CEACAM16: variants seen among roughly 807,000 people sequenced by gnomAD.
CEACAM16 encodes the protein CEA cell adhesion molecule 16, tectorial membrane component.
Under a neutral mutation model 39.4 loss-of-function variants are expected in CEACAM16, and 30 were observed. The observed-to-expected ratio is 0.76, with a 90% CI of 0.57 to 1.03. The LOEUF is 1.03. CEACAM16 is among the 50% of genes least tolerant of loss of function. The pLI is 0.00. For missense variants in CEACAM16, 521 were observed against 585.3 expected, an observed-to-expected ratio of 0.89 and a Z score of 1.13; for synonymous variants, 262 against 264.9, an observed-to-expected ratio of 0.99 and a Z score of 0.11.
chr19:44,699,544 T>C (rs1974311330), intron 1 of CEACAM16: 1 of 394,302 alleles, frequency 2.5e-6, no homozygotes, highest in Non-Finnish European at 5.0e-6. Context: ...ACCCAGCTAA[T>C]TTTTGTATTT....
chr19:44,701,580 G>C lies in CEACAM16; in HGVS notation c.37+87G>C, dbSNP rs1974348292. ...ACCCCCAGTCTGAGAGAGGGAAGGTGTGAGCAGAAGTCCAGCGTGCTAGGG... is the reference window on the plus strand; with the variant it reads ...ACCCCCAGTCTGAGAGAGGGAAGGTCTGAGCAGAAGTCCAGCGTGCTAGGG... On this transcript the variant is annotated intron_variant, in intron 2 of 6. Transcript: ENST00000587331. The surrounding 1 kb of genome is among the most constrained non-coding windows in gnomAD (Gnocchi z 4.0). 6.2e-6 allele frequency: 8 copies of C among 1,292,740 alleles called. No individual in the cohort carries two copies. The South Asian group carries it at 8.9e-5, about 14-fold the overall frequency. The allele number at this position is 1,292,740 out of a possible 1,614,324, so 80.1% of individuals were successfully genotyped here.
chr19:44,704,754 A>G (rs1974414654), intron 4 of CEACAM16, among the ~76,000 whole-genome samples: 1 of 92,916 alleles, frequency 1.1e-5, no homozygotes, highest in Admixed American at 1.0e-4. Context: ...CAAACAAACA[A>G]AAAAAAACAA....
At chr19:44,702,668 G>A (rs1370297911) in intron 2 of CEACAM16, among the ~76,000 whole-genome samples, 1 of 152,280 alleles carries the variant, frequency 6.6e-6, no homozygotes, top group Non-Finnish European at 1.5e-5. Context: ...TTCCGCTGTA[G>A]GCGAGCTTGG....
intron 6 of CEACAM16, among the ~76,000 whole-genome samples, chr19:44,708,393 A>G (rs1974486173): frequency 1.3e-5 from 2 of 152,140 alleles, no homozygotes; most frequent in African/African-American, 4.8e-5. Context: ...CTAATGACCT[A>G]CACTGTGGGT....
In CEACAM16 at chr19:44,703,551, C is replaced by T; in HGVS notation, c.240C>T (p.Ala80=). Residue 80 remains alanine (A), a synonymous_variant, in exon 3 of 7, where the codon GCC becomes GCT. Transcript: ENST00000587331. ...VSTGDETPGP[A]HTGREAVRPD... is the part of the protein sequence containing the mutation. ...CAGGCGATGAGACTCCTGGCCCGGC[C>T]CACACGGGGCGGGAGGCTGTGCGCC... 6 of 1,613,054 alleles carry T rather than the reference C, an allele frequency of 3.7e-6. No homozygotes were observed. Among genetic ancestry groups the T allele is most frequent in the Non-Finnish European group, 5.1e-6 (6 of 1,179,744 alleles).
At chr19:44,708,213 G>T in intron 6 of CEACAM16, 26 bp downstream of exon 6, 1 of 1,498,266 alleles carries the variant, frequency 6.7e-7, no homozygotes, top group Non-Finnish European at 9.0e-7. Context: ...GGGGCAAGGC[G>T]TGCCCCTTTT....
chr19:44,709,206 C>T (rs192238684), intron 6 of CEACAM16, among the ~76,000 whole-genome samples: 2 of 151,464 alleles, frequency 1.3e-5, no homozygotes, highest in South Asian at 4.2e-4. Flanking sequence ...AGACTGGGAG[C>T]TCCCGGAGTC....
In CEACAM16 at chr19:44,703,758, CT is replaced by C. The variant is rs59111781; in HGVS notation, c.382+73del. 74,163 of 1,197,750 alleles carry C rather than the reference CT, an allele frequency of 0.062. 2,206 individuals carry two copies. Among genetic ancestry groups the C allele is most frequent in the African/African-American group, 0.24 (14,923 of 62,812 alleles). 74.2% of individuals were successfully genotyped at this position (1,197,750 alleles called of 1,614,324 possible). A position where few individuals can be genotyped will look rare whatever the true frequency, so the allele number is the denominator to read the frequency against. ...CCTTCCCATCTCCTTCTCAATCCTT[CT>C]TTTTTTTAAAAAAAAAAAAAATCCA... On this transcript the variant is annotated intron_variant, in intron 3 of 6. Transcript: ENST00000587331.
chr19:44,704,665 G>A (rs987796447), intron 4 of CEACAM16, among the ~76,000 whole-genome samples: 12 of 152,178 alleles, frequency 7.9e-5, no homozygotes, highest in South Asian at 2.1e-4. Context: ...CCCGGAGGCC[G>A]AGGTTGCAGG....
chr19:44,709,399 C>T (rs1599815741), intron 6 of CEACAM16, among the ~76,000 whole-genome samples: 1 of 150,490 alleles, frequency 6.6e-6, no homozygotes, highest in East Asian at 2.0e-4. Flanking sequence ...TCTATGTCTC[C>T]TCCATCAGAC....
In CEACAM16 at chr19:44,699,247, C is replaced by G. The variant is rs1974305663; in HGVS notation, c.-110C>G. The G allele has an allele frequency of 1.9e-6, 1 of 534,224 alleles. No individual in the cohort carries two copies. Among genetic ancestry groups the G allele is most frequent in the Non-Finnish European group, 3.8e-6 (1 of 259,896 alleles). The allele number at this position is 534,224 out of a possible 1,614,324, so 33.1% of individuals were successfully genotyped here. A position where few individuals can be genotyped will look rare whatever the true frequency, so the allele number is the denominator to read the frequency against. The stretch of plus-strand genomic sequence containing the variant: ...ATGAGTGATTTACTGAGCATTTACT[C>G]TGCGCCAGTCGTGGTAAGTACTGTA... On this transcript the variant is annotated 5_prime_UTR_variant, in exon 1 of 7. Coordinates refer to ENST00000587331, the MANE Select transcript of CEACAM16 (RefSeq NM_001039213.4).
In CEACAM16 at chr19:44,701,587, G is replaced by A. The variant is rs1974348386; in HGVS notation, c.37+94G>A. The A allele has an allele frequency of 8.1e-7, 1 of 1,235,342 alleles. No homozygotes were observed. The highest frequency in any genetic ancestry group is 2.0e-5 in the Admixed American group (1 of 50,596). 76.5% of individuals were successfully genotyped at this position (1,235,342 alleles called of 1,614,324 possible). ...GTCTGAGAGAGGGAAGGTGTGAGCA[G>A]AAGTCCAGCGTGCTAGGGAGGGAGG... On this transcript the variant is annotated intron_variant, in intron 2 of 6. Coordinates refer to ENST00000587331, the MANE Select transcript of CEACAM16 (RefSeq NM_001039213.4). This position sits in a 1 kb window ranked among gnomAD's most constrained non-coding sequence, Gnocchi z 4.0.
intron 3 of CEACAM16, 57 bp downstream of exon 3, chr19:44,703,750 C>A: frequency 4.8e-6 from 6 of 1,257,698 alleles, no homozygotes; most frequent in Non-Finnish European, 6.4e-6. Flanking sequence ...ATCTCCTTCT[C>A]AATCCTTCTT....
At chr19:44,709,927 AGTCAGGGTCCAT>A (rs1974512334) in intron 6 of CEACAM16, among the ~76,000 whole-genome samples, 2 of 152,372 alleles carry the variant, frequency 1.3e-5, no homozygotes, top group Non-Finnish European at 2.9e-5. Context: ...GAGCTCCCAG[AGTCAGGGTCCAT>A]GTATCCTCCA....
intron 4 of CEACAM16, 147 bp downstream of exon 4, chr19:44,704,443 T>A: frequency 3.8e-6 from 4 of 1,065,652 alleles, no homozygotes; most frequent in Non-Finnish European, 5.2e-6. Flanking sequence ...AAAGTGCACT[T>A]GCCCTCGCCA....
intron 5 of CEACAM16, among the ~76,000 whole-genome samples, chr19:44,707,322 A>C (rs1974464361): frequency 6.6e-6 from 1 of 151,982 alleles, no homozygotes; most frequent in African/African-American, 2.4e-5. Context: ...AACAATTTAG[A>C]ATTTCTCAAT....
intron 1 of CEACAM16, 170 bp downstream of exon 1, chr19:44,699,430 AC>A (rs910456303): frequency 1.5e-5 from 7 of 468,230 alleles, no homozygotes; most frequent in East Asian, 6.9e-5. Flanking sequence ...CAGAGCCTAT[AC>A]TTTTTTTTTT....
intron 5 of CEACAM16, among the ~76,000 whole-genome samples, chr19:44,706,097 G>T (rs1382815925): frequency 4.6e-5 from 7 of 152,138 alleles, no homozygotes; most frequent in Admixed American, 4.6e-4. Context: ...ATTGTGGGTT[G>T]ACAGAGTGGA....
chr19:44,703,289 G>C (rs1296796913), intron 2 of CEACAM16, 60 bp from the exon 3 acceptor site: 11 of 1,482,008 alleles, frequency 7.4e-6, no homozygotes, highest in Non-Finnish European at 1.0e-5. Flanking sequence ...CTCTTCTTCT[G>C]TCAAATGGGG....
Sources: gnomAD v4.1 joint callset for allele counts (sites outside exome capture counted in the v4.1 genomes callset) on GRCh38, gnomAD v4.1.1 for gene constraint, Gnocchi (gnomAD v3.1) non-coding constraint, MANE v1.5 for transcripts, NCBI Gene and HGNC (gene_info 2026-07-23, HGNC 2026-07-21) for gene names.